The following SUSD4 variants were observed in gnomAD, a reference collection of about 807,000 sequenced individuals.
SUSD4 encodes the protein sushi domain containing 4, also known as sushi domain-containing protein 4.
A neutral mutation model predicts 50.5 loss-of-function variants in SUSD4; 41 were observed. That is an observed-to-expected ratio of 0.81 (90% CI 0.63 to 1.05). The LOEUF (loss-of-function observed/expected upper bound fraction) is 1.05. Among genes scored for constraint, SUSD4 ranks in the 50% least tolerant of loss-of-function variants. The pLI is 0.00. For missense variants in SUSD4, 580 were observed against 634.7 expected (o/e 0.91, Z 0.93); for synonymous variants, 257 against 257.3 (o/e 1.00, Z 0.01).
chr1:223,347,024 T>C (rs1020011845), intron 2 of SUSD4, among the ~76,000 whole-genome samples: 2 of 151,692 alleles, frequency 1.3e-5, no homozygotes, highest in Admixed American at 6.6e-5. Flanking sequence ...AAGCTCCTAC[T>C]TTTTTTTTCT....
chr1:223,250,579 C>T (rs148572701), intron 5 of SUSD4, among the ~76,000 whole-genome samples: 1 of 152,248 alleles, frequency 6.6e-6, no homozygotes, highest in East Asian at 1.9e-4. Context: ...TGAGTCATGC[C>T]ATGGGGTTTT....
At position 223,223,623 on chromosome 1, in the gene SUSD4, G is replaced by A; in HGVS notation, c.1070C>T (p.Pro357Leu). 1 of 1,604,800 alleles carries A rather than the reference G, an allele frequency of 6.2e-7. No individual in the cohort carries two copies. Among genetic ancestry groups the A allele is most frequent in the South Asian group, 1.1e-5 (1 of 90,066 alleles). The change falls in exon 8 of 9, where the codon CCC becomes CTC. Residue 357 changes from proline (P) to leucine (L), a missense_variant. Pro to Leu is a moderately conservative substitution (Grantham distance 98). Coordinates refer to ENST00000366878, the MANE Select transcript of SUSD4 (RefSeq NM_017982.4). ...FKAHFPPRGP[P>L]RSSSSDPDFV... ...GTCAGGGTCACTGCTGGAACTCCGG[G>A]GAGGCCCCCTGTGTAAAGGAAAGAA...
At chr1:223,363,718 A>T (rs903539901) in intron 1 of SUSD4, 2 of 341,708 alleles carry the variant, frequency 5.9e-6, no homozygotes, top group African/African-American at 2.1e-5. Context: ...GTTAGCGCAC[A>T]TTGGCTCCGC....
intron 4 of SUSD4, 115 bp downstream of exon 4, chr1:223,268,387 C>T: frequency 1.4e-6 from 2 of 1,384,252 alleles, no homozygotes; most frequent in Non-Finnish European, 1.9e-6. Flanking sequence ...GGGTAGATGG[C>T]TTTGTTCATT....
intron 2 of SUSD4, among the ~76,000 whole-genome samples, chr1:223,360,482 C>A (rs1349499882): frequency 6.6e-6 from 1 of 152,150 alleles, no homozygotes; most frequent in African/African-American, 2.4e-5. Context: ...CTGGAGAGAG[C>A]CACCCAAACA....
At chr1:223,304,307 A>G (rs932776292) in intron 2 of SUSD4, among the ~76,000 whole-genome samples, 10 of 152,116 alleles carry the variant, frequency 6.6e-5, no homozygotes, top group Admixed American at 2.6e-4. Context: ...TGGCAGTCCA[A>G]CCTGGCATTG....
At chr1:223,306,007 G>A (rs535212333) in intron 2 of SUSD4, among the ~76,000 whole-genome samples, 3 of 152,198 alleles carry the variant, frequency 2.0e-5, no homozygotes, top group South Asian at 2.1e-4. Flanking sequence ...ATATAAAGTC[G>A]GCTATGTCTG....
chr1:223,252,546 T>A (rs1661405669), intron 5 of SUSD4, among the ~76,000 whole-genome samples: 1 of 152,120 alleles, frequency 6.6e-6, no homozygotes, highest in African/African-American at 2.4e-5. Context: ...GGCTATAGAA[T>A]TCTTGGCTTC....
chr1:223,363,815 TG>T (rs1669152079), intron 1 of SUSD4: 2 of 186,580 alleles, frequency 1.1e-5, no homozygotes, highest in African/African-American at 4.7e-5. Context: ...CACTTTTCCC[TG>T]GGCCTATACA....
intron 2 of SUSD4, among the ~76,000 whole-genome samples, chr1:223,311,648 G>T (rs1462637473): frequency 6.6e-6 from 1 of 152,192 alleles, no homozygotes; most frequent in Non-Finnish European, 1.5e-5. Context: ...ATTGCAAACA[G>T]ATTCTTGTTT....
Position 223,231,345 on chromosome 1 carries a change from T to C in SUSD4, c.725-1957A>G, listed in dbSNP as rs767587185. On this transcript the variant is annotated intron_variant, in intron 5 of 8. Coordinates refer to ENST00000366878, the MANE Select transcript of SUSD4 (RefSeq NM_017982.4). The surrounding 1 kb of genome is among the most constrained non-coding windows in gnomAD (Gnocchi z 4.2). ...GTGCAGGGAAGGTCCAGGGCAGATC[T>C]GAGGCTGGCAGGCCCAGGTGTGCTC... Among the ~76,000 whole-genome samples, 15 of 152,110 alleles carry C rather than the reference T, an allele frequency of 9.9e-5. No individual in the cohort carries two copies. The highest frequency in any genetic ancestry group is 1.9e-4 in the Non-Finnish European group (13 of 68,020).
chr1:223,272,203 A>G (rs1052429359), intron 3 of SUSD4, among the ~76,000 whole-genome samples: 1 of 152,200 alleles, frequency 6.6e-6, no homozygotes, highest in Non-Finnish European at 1.5e-5. Context: ...CTCTACAAAA[A>G]TATTCATCAA....
chr1:223,289,680 G>T lies in SUSD4; in HGVS notation c.361+2759C>A, dbSNP rs140059565. 3.8e-3 allele frequency among the ~76,000 whole-genome samples: 576 copies of T among 152,278 alleles called. 4 individuals are homozygous for T. The highest frequency in any genetic ancestry group is 4.8e-3 in the Non-Finnish European group (328 of 68,012). On this transcript the variant is annotated intron_variant, in intron 3 of 8. Coordinates refer to ENST00000366878, the MANE Select transcript of SUSD4 (RefSeq NM_017982.4). ...TTTCCCTAAATTGTCATTTAACTCT[G>T]GGAAGGCTCTTACCTTATTTGAGAC...
chr1:223,274,584 C>T (rs752466765), intron 3 of SUSD4, among the ~76,000 whole-genome samples: 4 of 152,188 alleles, frequency 2.6e-5, no homozygotes, highest in Non-Finnish European at 5.9e-5. Context: ...AATAAGCATG[C>T]TTCTTGTACT....
chr1:223,257,284 G>T (rs1661763284), intron 5 of SUSD4, among the ~76,000 whole-genome samples: 1 of 152,120 alleles, frequency 6.6e-6, no homozygotes, highest in Non-Finnish European at 1.5e-5. Flanking sequence ...TGGGAGGATT[G>T]CTTGAGGCCA....
intron 3 of SUSD4, among the ~76,000 whole-genome samples, chr1:223,276,667 G>C (rs1663297262): frequency 6.6e-6 from 1 of 152,256 alleles, no homozygotes; most frequent in Admixed American, 6.5e-5. Context: ...CCACAAGGGA[G>C]CAAGTACAGG....
intron 2 of SUSD4, among the ~76,000 whole-genome samples, chr1:223,302,889 G>A (rs61838199): frequency 0.28 from 42,645 of 152,106 alleles, 7,409 homozygotes; most frequent in Non-Finnish European, 0.4. Context: ...ATAAGGAAAC[G>A]TGATTGCTTT....
At chr1:223,292,222 T>G (rs942233694) in intron 3 of SUSD4, among the ~76,000 whole-genome samples, 1 of 152,322 alleles carries the variant, frequency 6.6e-6, no homozygotes, top group African/African-American at 2.4e-5. Context: ...AGATTGTAAT[T>G]GAGACAGAGA....
In SUSD4 at chr1:223,329,164, C is replaced by T. The variant is rs116350921; in HGVS notation, c.148+34114G>A. Among the ~76,000 whole-genome samples the T allele has an allele frequency of 4.0e-3, 607 of 152,170 alleles. 3 individuals carry two copies. The highest frequency in any genetic ancestry group is 0.014 in the African/African-American group (565 of 41,500). On this transcript the variant is annotated intron_variant, in intron 2 of 8. Transcript: ENST00000366878. The stretch of plus-strand genomic sequence containing the variant: ...TCACTTTAATTCACAGCTTTATCAA[C>T]GGGCATAAACAAGAGGGAGAATGGG...
Sources: gnomAD v4.1 joint callset for allele counts (sites outside exome capture counted in the v4.1 genomes callset) on GRCh38, gnomAD v4.1.1 for gene constraint, Gnocchi (gnomAD v3.1) non-coding constraint, MANE v1.5 for transcripts, NCBI Gene and HGNC (gene_info 2026-07-23, HGNC 2026-07-21) for gene names.